Variants in KDM4C observed in about 807,000 individuals in gnomAD.
KDM4C encodes the protein lysine-specific demethylase 4C.
A neutral mutation model predicts 129.3 loss-of-function variants in KDM4C; 81 were observed. That is an observed-to-expected ratio of 0.63 (90% CI 0.52 to 0.75). KDM4C has a LOEUF of 0.75. Ranked by LOEUF, KDM4C falls within the 30% of genes least tolerant of loss-of-function variation. KDM4C has a pLI of 0.00. For missense variants in KDM4C, 1,457 were observed against 1,304.0 expected, an observed-to-expected ratio of 1.12 and a Z score of -1.81; for synonymous variants, 573 against 456.1, an observed-to-expected ratio of 1.26 and a Z score of -3.26.
chr9:7,017,948 G>A (rs188085308), intron 15 of KDM4C, among the ~76,000 whole-genome samples: 1 of 152,292 alleles, frequency 6.6e-6, no homozygotes, highest in Admixed American at 6.5e-5. Flanking sequence ...TAAAAATATG[G>A]ACACTCTTTA....
At chr9:7,150,086 C>G (rs1483628203) in intron 19 of KDM4C, among the ~76,000 whole-genome samples, 1 of 152,170 alleles carries the variant, frequency 6.6e-6, no homozygotes, top group Non-Finnish European at 1.5e-5. Flanking sequence ...TTTGGCTACA[C>G]CACTCAACAC....
At chr9:7,043,803 A>C (rs1306993419) in intron 15 of KDM4C, among the ~76,000 whole-genome samples, 1 of 151,986 alleles carries the variant, frequency 6.6e-6, no homozygotes, top group Admixed American at 6.6e-5. Context: ...TTCTTAAGTA[A>C]ATCATGGCAA....
intron 1 of KDM4C, chr9:6,749,081 G>A (rs532398993): frequency 1.5e-4 from 70 of 478,352 alleles, no homozygotes; most frequent in African/African-American, 1.0e-3. Flanking sequence ...GTGCAATGGC[G>A]CGATCTCGCC....
At chr9:6,972,344 A>T (rs1049181671) in intron 8 of KDM4C, among the ~76,000 whole-genome samples, 1 of 152,044 alleles carries the variant, frequency 6.6e-6, no homozygotes, top group African/African-American at 2.4e-5. Flanking sequence ...TCTCTACCTA[A>T]TGGTAATGCA....
chr9:7,101,088 G>C (rs1209578879), intron 17 of KDM4C, among the ~76,000 whole-genome samples: 1 of 152,112 alleles, frequency 6.6e-6, no homozygotes. Context: ...AGCAGGGATT[G>C]ATCTTGATCC....
At chr9:6,726,126 G>T (rs868743631) in intron 1 of KDM4C, among the ~76,000 whole-genome samples, 1 of 151,648 alleles carries the variant, frequency 6.6e-6, no homozygotes, top group Non-Finnish European at 1.5e-5. Flanking sequence ...ATGGGGTTTC[G>T]CCGTCGCGGC....
chr9:7,010,872 C>T (rs1056344494), intron 12 of KDM4C, among the ~76,000 whole-genome samples: 2 of 151,900 alleles, frequency 1.3e-5, no homozygotes, highest in African/African-American at 2.4e-5. Flanking sequence ...GGTGAAACTC[C>T]ACTACTAAAA....
intron 1 of KDM4C, among the ~76,000 whole-genome samples, chr9:6,760,914 C>T (rs1039042584): frequency 2.6e-5 from 4 of 151,778 alleles, no homozygotes; most frequent in Non-Finnish European, 5.9e-5. Flanking sequence ...GTTGATCTTT[C>T]CCTATTCCAC....
At chr9:6,756,611 G>A (rs1818301012), upstream of KDM4C, among the ~76,000 whole-genome samples, 1 of 152,208 alleles carries the variant, frequency 6.6e-6, no homozygotes, top group Non-Finnish European at 1.5e-5. Flanking sequence ...CAGCTACTCG[G>A]GAGGCTGAGG....
intron 11 of KDM4C, chr9:6,986,894 G>T (rs773410756): frequency 1.6e-5 from 7 of 432,970 alleles, no homozygotes; most frequent in East Asian, 6.8e-5. Flanking sequence ...GTCGATGCTT[G>T]ATTTTCTTTT....
chr9:6,761,079 G>A (rs1327734487), intron 1 of KDM4C, among the ~76,000 whole-genome samples: 2 of 144,258 alleles, frequency 1.4e-5, no homozygotes, highest in African/African-American at 2.6e-5. Context: ...GCGCGATCTC[G>A]GCTCACTGCA....
chr9:6,761,897 C>T (rs903060989), intron 1 of KDM4C, among the ~76,000 whole-genome samples: 15 of 152,130 alleles, frequency 9.9e-5, no homozygotes, highest in South Asian at 2.1e-4. Flanking sequence ...CTGCAACCTC[C>T]GACTCCCTGG....
chr9:6,998,196 T>A (rs918926811), intron 12 of KDM4C, among the ~76,000 whole-genome samples: 22 of 152,204 alleles, frequency 1.4e-4, no homozygotes, highest in African/African-American at 5.3e-4. Flanking sequence ...CCTTGAGGAT[T>A]AGATTAAGAG....
chr9:6,779,249 C>G (rs1275080332), intron 1 of KDM4C, among the ~76,000 whole-genome samples: 2 of 151,868 alleles, frequency 1.3e-5, no homozygotes, highest in Non-Finnish European at 1.5e-5. Context: ...ATCTCTTGAC[C>G]TCGTGATCTG....
chr9:7,158,214 T>G (rs1017711949), intron 19 of KDM4C, among the ~76,000 whole-genome samples: 1 of 152,232 alleles, frequency 6.6e-6, no homozygotes, highest in East Asian at 1.9e-4. Context: ...TTTTTCATTT[T>G]TTATTGCATC....
chr9:7,052,471 A>G (rs1242761995), intron 17 of KDM4C, among the ~76,000 whole-genome samples: 1 of 152,226 alleles, frequency 6.6e-6, no homozygotes, highest in South Asian at 2.1e-4. Flanking sequence ...CGATCAGACA[A>G]TAACAAATGG....
intron 4 of KDM4C, among the ~76,000 whole-genome samples, chr9:6,819,676 C>A (rs573463513): frequency 6.6e-6 from 1 of 152,122 alleles, no homozygotes; most frequent in Non-Finnish European, 1.5e-5. Context: ...TGTATTTACC[C>A]GCCTTGAGGT....
intron 15 of KDM4C, among the ~76,000 whole-genome samples, chr9:7,032,048 ACT>A (rs1826869479): frequency 6.6e-6 from 1 of 152,060 alleles, no homozygotes; most frequent in African/African-American, 2.4e-5. Flanking sequence ...AAAACTGGTA[ACT>A]CTTGACATCT....
chr9:6,995,992 A>G (rs940088167), intron 12 of KDM4C, among the ~76,000 whole-genome samples: 1 of 152,096 alleles, frequency 6.6e-6, no homozygotes, highest in Admixed American at 6.5e-5. Context: ...TTTTAAAAAT[A>G]TATTTAGGGG....
Sources: allele counts gnomAD v4.1 joint callset (sites outside exome capture counted in the v4.1 genomes callset), GRCh38; gene constraint gnomAD v4.1.1; transcripts MANE v1.5; gene names NCBI Gene and HGNC (gene_info 2026-07-23, HGNC 2026-07-21).